Variants in KLHL2 observed in about 807,000 individuals in gnomAD.
KLHL2 encodes kelch like family member 2, also known as kelch-like protein 2.
In KLHL2, 15 loss-of-function variants were observed where a neutral mutation model predicts 75.8. The ratio of observed to expected loss-of-function variants is 0.20; its 90% CI spans 0.13 to 0.30. KLHL2 has a LOEUF of 0.30. KLHL2 is among the 10% of genes least tolerant of loss of function. KLHL2 has a pLI of 1.00. For synonymous variants in KLHL2, 214 were observed against 251.9 expected (o/e 0.85, Z 1.42); for missense variants, 381 against 741.0 (o/e 0.51, Z 5.64).
chr4:165,264,704 G>GTGTATATATATA (rs1323043527), intron 5 of KLHL2, among the ~76,000 whole-genome samples: 1 of 82,874 alleles, frequency 1.2e-5, no homozygotes, highest in Non-Finnish European at 2.2e-5. Flanking sequence ...GTGTGTGTGT[G>GTGTATATATATA]TATATATATA....
At chr4:165,250,654 T>A (rs113738000) in intron 4 of KLHL2, among the ~76,000 whole-genome samples, 5 of 152,162 alleles carry the variant, frequency 3.3e-5, no homozygotes, top group Non-Finnish European at 7.4e-5. Flanking sequence ...TGTAAAAATA[T>A]ACCAGTTAAA....
At chr4:165,320,717 CAAT>C (rs904448849) in intron 14 of KLHL2, among the ~76,000 whole-genome samples, 2 of 152,106 alleles carry the variant, frequency 1.3e-5, no homozygotes, top group Non-Finnish European at 2.9e-5. Flanking sequence ...AAACCCAAAA[CAAT>C]AAATTCCTGC....
intron 6 of KLHL2, 39 bp from the exon 7 acceptor site, chr4:165,297,570 C>A: frequency 8.2e-7 from 1 of 1,212,928 alleles, no homozygotes; most frequent in Non-Finnish European, 1.2e-6. Flanking sequence ...TGATACACAA[C>A]TCATTTCTTA....
At chr4:165,296,277 G>T (rs1744902754) in intron 6 of KLHL2, among the ~76,000 whole-genome samples, 1 of 152,158 alleles carries the variant, frequency 6.6e-6, no homozygotes, top group Non-Finnish European at 1.5e-5. Flanking sequence ...CGGTTGATTG[G>T]TCTCTCTCTA....
intron 5 of KLHL2, among the ~76,000 whole-genome samples, chr4:165,273,679 C>T (rs1194001878): frequency 1.3e-5 from 2 of 152,210 alleles, no homozygotes; most frequent in Middle Eastern, 6.3e-3. Flanking sequence ...TGCCTTCCAC[C>T]ATCATTGTAA....
chr4:165,235,013 A>C (rs1008133380), intron 3 of KLHL2, among the ~76,000 whole-genome samples: 1 of 152,090 alleles, frequency 6.6e-6, no homozygotes, highest in Non-Finnish European at 1.5e-5. Context: ...AAAAAGGTAG[A>C]GATGATGTGG....
At chr4:165,313,140 G>T in intron 11 of KLHL2, 98 bp from the exon 12 acceptor site, 2 of 1,258,960 alleles carry the variant, frequency 1.6e-6, no homozygotes, top group East Asian at 2.6e-5. Flanking sequence ...CTGCTGCCAT[G>T]AAGGAAAATA....
intron 4 of KLHL2, among the ~76,000 whole-genome samples, chr4:165,241,689 T>C (rs1417959085): frequency 6.6e-6 from 1 of 152,246 alleles, no homozygotes; most frequent in African/African-American, 2.4e-5. Flanking sequence ...CGTAGAATGC[T>C]GAGGTCCAGC....
At chr4:165,254,529 A>G (rs1356347319) in intron 4 of KLHL2, among the ~76,000 whole-genome samples, 4 of 152,188 alleles carry the variant, frequency 2.6e-5, no homozygotes, top group Admixed American at 1.3e-4. Context: ...CTATTGATCA[A>G]TGTTCCTTAT....
chr4:165,274,321 ACT>A (rs2126362812), intron 5 of KLHL2, among the ~76,000 whole-genome samples: 1 of 152,102 alleles, frequency 6.6e-6, no homozygotes, highest in South Asian at 2.1e-4. Context: ...TAAGAAGAGC[ACT>A]CTCGGGCTGG....
chr4:165,270,632 T>G (rs1239263255), intron 5 of KLHL2, among the ~76,000 whole-genome samples: 1 of 152,192 alleles, frequency 6.6e-6, no homozygotes, highest in Non-Finnish European at 1.5e-5. Context: ...CCTGTTTGCC[T>G]GGGTATCACC....
rs565649441 is a variant in KLHL2 at position 165,322,645 on chromosome 4, A to G, written c.*585A>G. 6.5e-6 allele frequency: 1 copy of G among 152,698 alleles called. No homozygotes were observed. The highest frequency in any genetic ancestry group is 1.5e-5 in the Non-Finnish European group (1 of 68,104). 9.5% of individuals were successfully genotyped at this position (152,698 alleles called of 1,614,324 possible). A position where few individuals can be genotyped will look rare whatever the true frequency, so the allele number is the denominator to read the frequency against. On this transcript the variant is annotated 3_prime_UTR_variant, in exon 15 of 15. Transcript: ENST00000226725. ...AAGATGTTTGAAACTTGATTATACTATTTATAATTGGCACAGTACTTTGAA... is the reference window on the plus strand; with the variant it reads ...AAGATGTTTGAAACTTGATTATACTGTTTATAATTGGCACAGTACTTTGAA...
Position 165,322,312 on chromosome 4 carries a change from G to A in KLHL2, c.*252G>A, listed in dbSNP as rs920613936. ...AAACTTGGACTGCAGGACTTAATCT[G>A]TAGTCTTTAGACAACAGTTGCTTTC... is the stretch of plus-strand genomic sequence containing the variant. On this transcript the variant is annotated 3_prime_UTR_variant, in exon 15 of 15. Coordinates refer to ENST00000226725, the MANE Select transcript of KLHL2 (RefSeq NM_007246.4). 1.1e-5 allele frequency: 5 copies of A among 458,014 alleles called. No homozygotes were observed. The highest frequency in any genetic ancestry group is 9.9e-5 in the African/African-American group (5 of 50,384). The allele number at this position is 458,014 out of a possible 1,614,324, so 28.4% of individuals were successfully genotyped here.
intron 3 of KLHL2, among the ~76,000 whole-genome samples, chr4:165,234,236 C>T (rs1361212502): frequency 1.3e-5 from 2 of 152,262 alleles, no homozygotes; most frequent in East Asian, 3.9e-4. Flanking sequence ...CTGAAAATGC[C>T]TGTGTGTCAG....
intron 5 of KLHL2, among the ~76,000 whole-genome samples, chr4:165,270,784 C>T (rs1311550340): frequency 2.0e-5 from 3 of 152,106 alleles, no homozygotes; most frequent in Admixed American, 6.5e-5. Context: ...AGGTCAGGGA[C>T]CCACTTGAGG....
chr4:165,221,260 A>G (rs1737965011), intron 2 of KLHL2, among the ~76,000 whole-genome samples: 1 of 152,238 alleles, frequency 6.6e-6, no homozygotes, highest in African/African-American at 2.4e-5. Flanking sequence ...TACTGTAATG[A>G]TAGTAAGTGT....
At chr4:165,304,007 C>T (rs985896579) in intron 8 of KLHL2, among the ~76,000 whole-genome samples, 1 of 152,156 alleles carries the variant, frequency 6.6e-6, no homozygotes, top group African/African-American at 2.4e-5. Context: ...TCCCCAGTAG[C>T]TGGGATTACA....
In KLHL2 at chr4:165,322,624, T is replaced by A. The variant is rs1747065279; in HGVS notation, c.*564T>A. On this transcript the variant is annotated 3_prime_UTR_variant, in exon 15 of 15. Coordinates refer to ENST00000226725, the MANE Select transcript of KLHL2 (RefSeq NM_007246.4). ...TTTCCTTTAAATATGTTTGAAAAGA[T>A]GTTTGAAACTTGATTATACTATTTA... 6.5e-6 allele frequency: 1 copy of A among 152,708 alleles called. No homozygotes were observed. The highest frequency in any genetic ancestry group is 6.5e-5 in the Admixed American group (1 of 15,292). 9.5% of individuals were successfully genotyped at this position (152,708 alleles called of 1,614,324 possible). A position where few individuals can be genotyped will look rare whatever the true frequency, so the allele number is the denominator to read the frequency against.
intron 4 of KLHL2, among the ~76,000 whole-genome samples, chr4:165,240,963 A>G (rs1411036447): frequency 2.0e-5 from 3 of 152,180 alleles, no homozygotes; most frequent in Non-Finnish European, 4.4e-5. Context: ...CAGTCCTGAA[A>G]TATTAGTCAT....
Sources: gnomAD v4.1 joint callset for allele counts (sites outside exome capture counted in the v4.1 genomes callset) on GRCh38, gnomAD v4.1.1 for gene constraint, MANE v1.5 for transcripts, NCBI Gene and HGNC (gene_info 2026-07-23, HGNC 2026-07-21) for gene names.